The following PTGR3 variants were observed in gnomAD, a reference collection of about 807,000 sequenced individuals.
PTGR3 encodes the protein prostaglandin reductase 3, also known as zinc binding alcohol dehydrogenase domain containing 2.
chr18:75,202,147 C>T, the PTGR3 span: 1 of 1,614,142 alleles, frequency 6.2e-7, no homozygotes, highest in African/African-American at 1.3e-5. Context: ...CTGGCAGGCA[C>T]AACTGTGTAC....
the PTGR3 span, chr18:75,196,152 G>A: frequency 6.6e-6 from 1 of 152,178 alleles, no homozygotes; most frequent in African/African-American, 2.4e-5. Flanking sequence ...CCGAGGATAA[G>A]ACACAATAAT....
chr18:75,209,128 C>A, the PTGR3 span: 3 of 1,290,404 alleles, frequency 2.3e-6, no homozygotes, highest in Non-Finnish European at 3.0e-6. The surrounding 1 kb of genome is among the most constrained non-coding windows in gnomAD (Gnocchi z 4.7). Flanking sequence ...CCGCTCGGCT[C>A]GGCTGTGCTC....
the PTGR3 span, chr18:75,209,043 G>C: frequency 6.4e-7 from 1 of 1,553,716 alleles, no homozygotes; most frequent in Non-Finnish European, 8.7e-7. This position sits in a 1 kb window ranked among gnomAD's most constrained non-coding sequence, Gnocchi z 4.7. Flanking sequence ...GCCCCGGTGG[G>C]CACCAGCCGC....
At chr18:75,201,811 A>T in the PTGR3 span, 8 of 1,614,134 alleles carry the variant, frequency 5.0e-6, no homozygotes, top group Non-Finnish European at 6.8e-6. Flanking sequence ...CCCCCAACAG[A>T]TTCATAGACC....
At chr18:75,202,256 G>A in the PTGR3 span, 50 of 1,614,026 alleles carry the variant, frequency 3.1e-5, no homozygotes, top group Middle Eastern at 1.6e-4. Flanking sequence ...CAATGCCTTC[G>A]AAACCTATGT....
At chr18:75,205,172 G>A in the PTGR3 span, 2 of 985,482 alleles carry the variant, frequency 2.0e-6, no homozygotes, top group Non-Finnish European at 1.2e-6. Context: ...TCCACAGCCC[G>A]GGACCCGCCT....
the PTGR3 span, chr18:75,201,525 C>A: frequency 1.2e-6 from 2 of 1,614,184 alleles, no homozygotes; most frequent in Non-Finnish European, 1.7e-6. Context: ...GCCAGTAAAC[C>A]TGCCCTCTGG....
the PTGR3 span, chr18:75,199,545 C>G: frequency 2.6e-5 from 4 of 152,166 alleles, no homozygotes; most frequent in South Asian, 4.2e-4. Flanking sequence ...CCTGCTCCCC[C>G]CTCCTTTGTT....
At chr18:75,199,345 A>C in the PTGR3 span, 2 of 152,510 alleles carry the variant, frequency 1.3e-5, no homozygotes, top group East Asian at 3.9e-4. Context: ...TAATGTCCTT[A>C]CTCCCCAAGT....
chr18:75,203,296 A>G, the PTGR3 span, among the ~76,000 whole-genome samples: 1 of 152,222 alleles, frequency 6.6e-6, no homozygotes, highest in Non-Finnish European at 1.5e-5. Context: ...GAATGTCAGA[A>G]GGTGGCTTAG....
the PTGR3 span, among the ~76,000 whole-genome samples, chr18:75,202,720 T>C: frequency 6.6e-6 from 1 of 151,176 alleles, no homozygotes; most frequent in Non-Finnish European, 1.5e-5. Context: ...AAATCCTCAT[T>C]ATATATAAAC....
chr18:75,203,585 G>T, the PTGR3 span, among the ~76,000 whole-genome samples: 3 of 152,280 alleles, frequency 2.0e-5, no homozygotes, highest in African/African-American at 7.2e-5. Flanking sequence ...GGGAGCAACT[G>T]CTTTCTGTTA....
chr18:75,201,135 C>T, the PTGR3 span: 2 of 395,614 alleles, frequency 5.1e-6, no homozygotes, highest in Non-Finnish European at 9.1e-6. Context: ...ATTTAGTTCC[C>T]TGGAACAATA....
At chr18:75,201,498 C>T in the PTGR3 span, 197 of 1,614,112 alleles carry the variant, frequency 1.2e-4, no homozygotes, top group African/African-American at 1.1e-3. Context: ...ATTGACAGCA[C>T]GGAATATGGA....
chr18:75,200,784 G>A, the PTGR3 span: 1 of 152,152 alleles, frequency 6.6e-6, no homozygotes, highest in Non-Finnish European at 1.5e-5. Context: ...TTATCAGGTT[G>A]ATGGTAGATA....
At chr18:75,195,772 G>C in the PTGR3 span, 1 of 152,116 alleles carries the variant, frequency 6.6e-6, no homozygotes, top group Non-Finnish European at 1.5e-5. Flanking sequence ...ACATTAGCCA[G>C]GCATGGTAAT....
the PTGR3 span, chr18:75,201,771 A>G: frequency 1.2e-6 from 2 of 1,614,230 alleles, no homozygotes; most frequent in East Asian, 4.5e-5. Flanking sequence ...TTTCGTAGCC[A>G]GGGCGTCTAC....
chr18:75,201,230 AT>A, the PTGR3 span: 57,772 of 423,606 alleles, frequency 0.14, 337 homozygotes, highest in East Asian at 0.16. Context: ...TTATTAGCAC[AT>A]TTTTTTTTTT....
At chr18:75,201,763 T>C in the PTGR3 span, 2 of 1,614,246 alleles carry the variant, frequency 1.2e-6, no homozygotes, top group South Asian at 1.1e-5. Context: ...AAGCGCCCTT[T>C]CGTAGCCAGG....
Sources: gnomAD v4.1 joint callset for allele counts (sites outside exome capture counted in the v4.1 genomes callset) on GRCh38, gnomAD v4.1.1 for gene constraint, Gnocchi (gnomAD v3.1) non-coding constraint, MANE v1.5 for transcripts, NCBI Gene and HGNC (gene_info 2026-07-23, HGNC 2026-07-21) for gene names.